Variants in SNX29 observed in about 807,000 individuals in gnomAD.
The protein encoded by SNX29 is sorting nexin-29.
In SNX29, 78 loss-of-function variants were observed where a neutral mutation model predicts 102.1. The ratio of observed to expected loss-of-function variants is 0.76; its 90% confidence interval spans 0.64 to 0.92. The LOEUF is 0.92. Ranked by LOEUF, SNX29 falls within the 40% of genes least tolerant of loss-of-function variation. The pLI is 0.00. For missense variants in SNX29, 1,280 were observed against 1,061.7 expected, an observed-to-expected ratio of 1.21 and a Z score of -2.86; for synonymous variants, 580 against 414.5, an observed-to-expected ratio of 1.40 and a Z score of -4.85.
intron 1 of SNX29, among the ~76,000 whole-genome samples, chr16:11,996,657 C>G (rs748841760): frequency 1.3e-5 from 2 of 152,160 alleles, no homozygotes; most frequent in Non-Finnish European, 2.9e-5. Flanking sequence ...GTAGAGCTGT[C>G]GGGCTCACTC....
At chr16:12,404,223 C>G (rs1443080650) in intron 18 of SNX29, among the ~76,000 whole-genome samples, 2 of 152,152 alleles carry the variant, frequency 1.3e-5, no homozygotes, top group African/African-American at 2.4e-5. Flanking sequence ...TAGACATCGC[C>G]TCTGCTTCCT....
chr16:12,156,556 A>G (rs564512986), intron 13 of SNX29, among the ~76,000 whole-genome samples: 26 of 152,324 alleles, frequency 1.7e-4, no homozygotes, highest in African/African-American at 4.6e-4. Flanking sequence ...ATGAAGCCCA[A>G]TGAAGGTGGA....
At chr16:12,117,766 T>G (rs2053794585) in intron 11 of SNX29, among the ~76,000 whole-genome samples, 1 of 152,164 alleles carries the variant, frequency 6.6e-6, no homozygotes, top group African/African-American at 2.4e-5. Context: ...TAATTTTATG[T>G]GATATGAATC....
intron 18 of SNX29, among the ~76,000 whole-genome samples, chr16:12,448,205 G>A (rs1275706046): frequency 1.3e-5 from 2 of 152,168 alleles, no homozygotes; most frequent in African/African-American, 2.4e-5. Flanking sequence ...CAAGGCTTGC[G>A]TCCGGGTCTG....
chr16:12,151,260 A>G (rs1257538751), intron 13 of SNX29, among the ~76,000 whole-genome samples: 2 of 152,106 alleles, frequency 1.3e-5, no homozygotes, highest in African/African-American at 4.8e-5. Context: ...ACTTGCTTAT[A>G]TATGAATCTC....
chr16:12,381,022 TCCACCCACCCACCATCCATCCAC>T (rs1567503850), intron 16 of SNX29, among the ~76,000 whole-genome samples: 3 of 18,428 alleles, frequency 1.6e-4, no homozygotes, highest in African/African-American at 2.4e-4. Flanking sequence ...CCACCCACCA[TCCACCCACCCACCATCCATCCAC>T]CCACCTACCA....
intron 15 of SNX29, among the ~76,000 whole-genome samples, chr16:12,353,262 T>G (rs955396333): frequency 2.0e-5 from 3 of 152,200 alleles, no homozygotes; most frequent in Non-Finnish European, 4.4e-5. Context: ...TTCTATCTCC[T>G]TGGTGTGGCA....
intron 15 of SNX29, among the ~76,000 whole-genome samples, chr16:12,351,690 C>G (rs2151295452): frequency 6.6e-6 from 1 of 152,192 alleles, no homozygotes; most frequent in South Asian, 2.1e-4. Flanking sequence ...TGGAGATCAT[C>G]TTTCCTGATA....
At chr16:12,269,690 A>G (rs2142597114) in intron 14 of SNX29, among the ~76,000 whole-genome samples, 1 of 152,276 alleles carries the variant, frequency 6.6e-6, no homozygotes, top group Non-Finnish European at 1.5e-5. Context: ...TGCATTTCAG[A>G]TTGCATTGCT....
intron 1 of SNX29, among the ~76,000 whole-genome samples, chr16:11,986,685 A>T (rs434455): frequency 5.3e-5 from 8 of 152,152 alleles, no homozygotes; most frequent in East Asian, 1.9e-4. Flanking sequence ...TGCAAAAGAC[A>T]GTCAATTCCA....
chr16:12,273,694 C>T (rs2079159426), intron 14 of SNX29, among the ~76,000 whole-genome samples: 1 of 152,134 alleles, frequency 6.6e-6, no homozygotes, highest in Non-Finnish European at 1.5e-5. Flanking sequence ...GTGCAACCAT[C>T]GCCACTCTCT....
chr16:12,500,243 G>A (rs920316844), intron 19 of SNX29, among the ~76,000 whole-genome samples: 5 of 151,826 alleles, frequency 3.3e-5, no homozygotes, highest in Admixed American at 6.6e-5. Context: ...AGCAAACCTC[G>A]TGCCTCAGTC....
intron 20 of SNX29, among the ~76,000 whole-genome samples, chr16:12,536,510 C>G (rs560969492): frequency 6.6e-6 from 1 of 152,178 alleles, no homozygotes; most frequent in African/African-American, 2.4e-5. Context: ...TTAGGGACTT[C>G]ATGCCTCTAT....
intron 18 of SNX29, among the ~76,000 whole-genome samples, chr16:12,462,774 CT>C (rs1241598017): frequency 2.0e-5 from 3 of 152,228 alleles, no homozygotes; most frequent in African/African-American, 7.2e-5. Context: ...CCTGCTCTAC[CT>C]TCACAGGGAA....
chr16:12,381,906 C>A (rs1267241930), intron 16 of SNX29, among the ~76,000 whole-genome samples: 1 of 149,894 alleles, frequency 6.7e-6, no homozygotes, highest in Non-Finnish European at 1.5e-5. Flanking sequence ...CTCCCGTCAT[C>A]CATCTACCCA....
At chr16:12,140,512 T>G (rs570663167) in intron 13 of SNX29, among the ~76,000 whole-genome samples, 1 of 152,286 alleles carries the variant, frequency 6.6e-6, no homozygotes, top group South Asian at 2.1e-4. Flanking sequence ...ACCAGGATGT[T>G]CCTCCCATCA....
At chr16:12,561,724 A>G (rs946070155) in intron 20 of SNX29, among the ~76,000 whole-genome samples, 1 of 152,148 alleles carries the variant, frequency 6.6e-6, no homozygotes, top group Admixed American at 6.5e-5. Context: ...TTAAGTTGCT[A>G]GCAGCAGGGA....
At chr16:12,217,164 G>A (rs1489058229) in intron 14 of SNX29, among the ~76,000 whole-genome samples, 2 of 152,184 alleles carry the variant, frequency 1.3e-5, no homozygotes, top group African/African-American at 4.8e-5. Context: ...AAGTAGCTGG[G>A]ACTATAGCAC....
At chr16:12,441,702 T>C (rs1327409437) in intron 18 of SNX29, among the ~76,000 whole-genome samples, 2 of 152,234 alleles carry the variant, frequency 1.3e-5, no homozygotes, top group African/African-American at 4.8e-5. Context: ...TTTGCCTACT[T>C]GAGGACACAC....
Sources: gnomAD v4.1 joint callset for allele counts (sites outside exome capture counted in the v4.1 genomes callset) on GRCh38, gnomAD v4.1.1 for gene constraint, MANE v1.5 for transcripts, NCBI Gene and HGNC (gene_info 2026-07-23, HGNC 2026-07-21) for gene names.